OTOG: variants seen among roughly 807,000 people sequenced by gnomAD.
OTOG encodes otogelin.
OTOG carries 296 observed loss-of-function variants against 313.8 expected under a neutral mutation model. The ratio of observed to expected loss-of-function variants is 0.94; its 90% CI spans 0.86 to 1.04. OTOG has a LOEUF of 1.04. Ranked by LOEUF, OTOG falls within the 50% of genes least tolerant of loss-of-function variation. OTOG has a pLI of 0.00. For missense variants in OTOG, 3,948 were observed against 3,840.1 expected, an observed-to-expected ratio of 1.03 and a Z score of -0.74; for synonymous variants, 1,533 against 1,554.9, an observed-to-expected ratio of 0.99 and a Z score of 0.33.
rs1377852127 is a variant in OTOG, at chr11:17,593,630, T to G, written c.3162T>G (p.Asp1054Glu). ...TCTAGAGTCCAGAGAGCTTCCTGGA[T>G]GACAAGCAGGAGGTCCACACATGGC... ...SGNPSPESFL[D>E]DKQEVHTWRV... is the part of the protein sequence containing the mutation. The change falls in exon 27 of 56, where the codon GAT becomes GAG. Residue 1054 changes from aspartate to glutamate, a missense_variant. Transcript: ENST00000399397. The G allele has an allele frequency of 1.9e-6, 3 of 1,549,024 alleles. No individual in the cohort carries two copies. Among genetic ancestry groups the G allele is most frequent in the Non-Finnish European group, 2.6e-6 (3 of 1,146,984 alleles).
rs907346000 is a variant in OTOG at position 17,579,242 on chromosome 11, G to A, written c.2759+716G>A. Among the ~76,000 whole-genome samples the A allele has an allele frequency of 1.4e-4, 22 of 152,348 alleles. 1 individual carries two copies. The highest frequency in any genetic ancestry group is 7.7e-4 in the East Asian group (4 of 5,184). ...AGAGATTAGTGGTCACCCGGGAGTC[G>A]TGGCCCAGGCGTGAAAGCCTAGGGA... On this transcript the variant is annotated intron_variant, in intron 23 of 55. Coordinates refer to ENST00000399397, the MANE Select transcript of OTOG (RefSeq NM_001292063.2).
At chr11:17,602,918 G>T (rs12272104) in intron 32 of OTOG, among the ~76,000 whole-genome samples, 21,908 of 152,246 alleles carry the variant, frequency 0.14, 1,742 homozygotes, top group Non-Finnish European at 0.18. Flanking sequence ...CGGGGGAGGG[G>T]GCCCCCAACT....
intron 23 of OTOG, among the ~76,000 whole-genome samples, chr11:17,582,356 C>G (rs1852689658): frequency 6.6e-6 from 1 of 152,130 alleles, no homozygotes; most frequent in African/African-American, 2.4e-5. Context: ...GATTCTTTAG[C>G]TCAGCAATAA....
chr11:17,547,395 TCTGCTGG>T lies in OTOG; in HGVS notation c.29_35del (p.Trp10PhefsTer208). On this transcript the variant is annotated frameshift_variant, in exon 1 of 56. Coordinates refer to ENST00000399397, the MANE Select transcript of OTOG (RefSeq NM_001292063.2). LOFTEE classifies it high-confidence loss of function. ...CCTATGGGAGTCCTGGCGTCTGCGC[TCTGCTGG>T]CTGCTTTGTGTCTGGCTGCCCTGGG... The T allele has an allele frequency of 7.0e-7, 1 of 1,420,742 alleles. No individual in the cohort carries two copies. Among genetic ancestry groups the T allele is most frequent in the Non-Finnish European group, 9.1e-7 (1 of 1,093,510 alleles). The allele number at this position is 1,420,742 out of a possible 1,614,324, so 88.0% of individuals were successfully genotyped here.
rs1326389847 is a variant in OTOG at position 17,553,380 on chromosome 11, C to G, written c.401C>G (p.Pro134Arg). The change falls in exon 6 of 56, where the codon CCT becomes CGT. Residue 134 changes from proline (P) to arginine (R), a missense_variant. Transcript: ENST00000399397. ...TCTCCCTCAGTGTACAATGCCGGCC[C>G]TGAGAGGGACAGCATTTGCCGGGCG... ...PRCQMVYNAG[P>R]ERDSICRAWG... 24 of 1,463,474 alleles carry G rather than the reference C, an allele frequency of 1.6e-5. No individual in the cohort carries two copies. Among genetic ancestry groups the G allele is most frequent in the Non-Finnish European group, 1.7e-5 (19 of 1,104,358 alleles). The allele number at this position is 1,463,474 out of a possible 1,614,324, so 90.7% of individuals were successfully genotyped here. A position where few individuals can be genotyped will look rare whatever the true frequency, so the allele number is the denominator to read the frequency against.
chr11:17,618,953 G>A (rs11024345), intron 39 of OTOG, among the ~76,000 whole-genome samples: 32,875 of 151,984 alleles, frequency 0.22, 4,259 homozygotes, highest in African/African-American at 0.36. Context: ...ACTTTAACCT[G>A]TTTGTGGCTT....
In OTOG at chr11:17,570,327, G is replaced by A. The variant is rs541019060; in HGVS notation, c.1892G>A (p.Arg631Gln). Reference protein sequence around the residue: ...GLRLYLQVDQRWVEDTVGLCG... With the variant: ...GLRLYLQVDQQWVEDTVGLCG... ...CGACTGTACCTGCAAGTGGACCAGCGATGGGTGGAGGATACCGTGGGCCTC... is the reference window on the plus strand; with the variant it reads ...CGACTGTACCTGCAAGTGGACCAGCAATGGGTGGAGGATACCGTGGGCCTC... Residue 631 changes from arginine (R) to glutamine (Q), a missense_variant, in exon 17 of 56, where the codon CGA becomes CAA. By Grantham distance (43) the Arg-to-Gln change is conservative. Transcript: ENST00000399397. The A allele has an allele frequency of 8.4e-6, 13 of 1,550,724 alleles. No homozygotes were observed. The highest frequency in any genetic ancestry group is 9.6e-6 in the Non-Finnish European group (11 of 1,147,024).
chr11:17,612,353 C>G (rs1191363341), intron 37 of OTOG, 23 bp downstream of exon 37: 3 of 1,504,704 alleles, frequency 2.0e-6, no homozygotes, highest in Non-Finnish European at 2.7e-6. Context: ...ATCAGCGGAG[C>G]CTCCTGCATC....
chr11:17,611,290 A>C lies in OTOG; in HGVS notation c.5990A>C (p.His1997Pro). The change falls in exon 36 of 56, where the codon CAC becomes CCC. Residue 1997 changes from histidine to proline, a missense_variant. His to Pro is a moderately conservative substitution (Grantham distance 77). Transcript: ENST00000399397. ...GCCCATGGAACCTCGGCAGGGCCTC[A>C]CCTGGCAGCAGAGCCGGTGGACGAG... ...AEAHGTSAGP[H>P]LAAEPVDEAT... The C allele has an allele frequency of 6.4e-7, 1 of 1,550,450 alleles. No homozygotes were observed. The highest frequency in any genetic ancestry group is 8.7e-7 in the Non-Finnish European group (1 of 1,146,964).
At position 17,643,476 on chromosome 11, in the gene OTOG, G is replaced by A; in HGVS notation, c.8431G>A (p.Val2811Ile). 2 of 1,460,844 alleles carry A rather than the reference G, an allele frequency of 1.4e-6. No homozygotes were observed. Among genetic ancestry groups the A allele is most frequent in the Non-Finnish European group, 1.8e-6 (2 of 1,100,062 alleles). The allele number at this position is 1,460,844 out of a possible 1,614,324, so 90.5% of individuals were successfully genotyped here. Residue 2811 changes from valine (V) to isoleucine (I), a missense_variant, in exon 54 of 56, where the codon GTA becomes ATA. Transcript: ENST00000399397. ...TECAKVGGSV[V>I]PSLEGCCRTC... ...CTCTCTCTAGGTTGGGGGTTCCGTG[G>A]TACCTTCCTTGGAAGGATGCTGCAG...
At chr11:17,608,249 C>G in intron 33 of OTOG, 47 bp from the exon 34 acceptor site, 2 of 1,314,836 alleles carry the variant, frequency 1.5e-6, no homozygotes, top group Non-Finnish European at 2.1e-6. Flanking sequence ...GGGACTCCCT[C>G]TGTGTCTTCA....
rs375919593 is a variant in OTOG at position 17,562,046 on chromosome 11, A to AATAT, written c.1644+262_1644+265dup. On this transcript the variant is annotated intron_variant, in intron 15 of 55. Coordinates refer to ENST00000399397, the MANE Select transcript of OTOG (RefSeq NM_001292063.2). ...TTAGGATTTTACTACCTAAAAAAAA[A>AATAT]ATATATATATATATATATATATATA... 1.3e-3 allele frequency among the ~76,000 whole-genome samples: 184 copies of AATAT among 139,818 alleles called. 1 individual carries two copies. Among genetic ancestry groups the AATAT allele is most frequent in the Admixed American group, 3.3e-3 (46 of 13,994 alleles). The allele number at this position is 139,818 out of a possible 152,430, so 91.7% of individuals were successfully genotyped here.
chr11:17,634,750 G>C (rs546543336), intron 44 of OTOG, 94 bp from the exon 45 acceptor site: 2 of 1,061,834 alleles, frequency 1.9e-6, no homozygotes, highest in East Asian at 2.6e-5. Context: ...GGGGCCAGGC[G>C]TCCAGGGGTT....
At chr11:17,601,686 G>A (rs551917689) in intron 31 of OTOG, among the ~76,000 whole-genome samples, 5 of 152,248 alleles carry the variant, frequency 3.3e-5, no homozygotes, top group African/African-American at 1.2e-4. Context: ...TCCTTACAAG[G>A]TGATTGTCCA....
Position 17,559,131 on chromosome 11 carries a change from C to A in OTOG, c.1183C>A (p.Gln395Lys), listed in dbSNP as rs1244602964. The A allele has an allele frequency of 5.8e-6, 9 of 1,541,302 alleles. No homozygotes were observed. The highest frequency in any genetic ancestry group is 7.8e-6 in the Non-Finnish European group (9 of 1,146,868). ...GTGTGCCCAGGCAGGGCGGCCCTTG[C>A]AAGGCTGGAGGACCCAGCTCCGGCA... ...RACAQAGRPL[Q>K]GWRTQLRQCT... The change falls in exon 11 of 56, where the codon CAA becomes AAA. Residue 395 changes from glutamine (Q) to lysine (K), a missense_variant. Physicochemically the swap from Gln to Lys is moderately conservative, Grantham distance 53 (BLOSUM62 1). Transcript: ENST00000399397.
Position 17,558,598 on chromosome 11 carries a change from G to C in OTOG, c.1057G>C (p.Val353Leu). 1 of 1,550,408 alleles carries C rather than the reference G, an allele frequency of 6.4e-7. No individual in the cohort carries two copies. The highest frequency in any genetic ancestry group is 1.2e-5 in the South Asian group (1 of 84,068). Residue 353 changes from valine (V) to leucine (L), a missense_variant, in exon 10 of 56, where the codon GTC becomes CTC. Physicochemically the swap from Val to Leu is conservative, Grantham distance 32 (BLOSUM62 1). Coordinates refer to ENST00000399397, the MANE Select transcript of OTOG (RefSeq NM_001292063.2). ...CCCCTTTGACGCCTGCCACGCCTAC[G>C]TCAGCCCTCTGCCCTTCACAGCCAG... Reference protein sequence around the residue: ...RPPFDACHAYVSPLPFTASCT... With the variant: ...RPPFDACHAYLSPLPFTASCT...
chr11:17,634,578 T>G (rs1854214179), intron 44 of OTOG, among the ~76,000 whole-genome samples: 1 of 152,146 alleles, frequency 6.6e-6, no homozygotes, highest in African/African-American at 2.4e-5. Context: ...TCCTGGGACA[T>G]GAGCTGAAGA....
At chr11:17,596,739 C>T (rs1853118976) in intron 29 of OTOG, 112 bp from the exon 30 acceptor site, 1 of 908,972 alleles carries the variant, frequency 1.1e-6, no homozygotes, top group Non-Finnish European at 1.7e-6. Context: ...GACAGGATAG[C>T]TCACCCTATC....
intron 42 of OTOG, among the ~76,000 whole-genome samples, chr11:17,633,014 T>C (rs1438268180): frequency 6.6e-6 from 1 of 152,214 alleles, no homozygotes; most frequent in African/African-American, 2.4e-5. Flanking sequence ...AAAGTTTAGG[T>C]ATGATTTTGT....
Sources: allele counts gnomAD v4.1 joint callset (sites outside exome capture counted in the v4.1 genomes callset), GRCh38; gene constraint gnomAD v4.1.1; transcripts MANE v1.5; gene names NCBI Gene and HGNC (gene_info 2026-07-23, HGNC 2026-07-21).